Variants in RBFOX1 observed in about 807,000 individuals in gnomAD.
The protein encoded by RBFOX1 is RNA binding fox-1 homolog 1.
Under a neutral mutation model 57.7 loss-of-function variants are expected in RBFOX1, and 8 were observed. The observed-to-expected ratio is 0.14, with a 90% CI of 0.08 to 0.25. The LOEUF is 0.25. RBFOX1 is among the 10% of genes least tolerant of loss of function. RBFOX1 has a pLI of 1.00. For missense variants in RBFOX1, 611 were observed against 548.5 expected (o/e 1.11, Z -1.14); for synonymous variants, 326 against 222.4 (o/e 1.47, Z -4.15).
intron 4 of RBFOX1, among the ~76,000 whole-genome samples, chr16:5,928,930 A>T (rs1480046480): frequency 6.6e-6 from 1 of 151,792 alleles, no homozygotes; most frequent in African/African-American, 2.4e-5. Context: ...CAGAGCTCGC[A>T]ATGTGGCTGC....
intron 3 of RBFOX1, among the ~76,000 whole-genome samples, chr16:6,824,210 G>C (rs955816651): frequency 2.6e-5 from 4 of 152,212 alleles, no homozygotes; most frequent in East Asian, 1.9e-4. Context: ...TTCGAGACCA[G>C]TCTGGCCAAC....
chr16:5,387,156 G>C (rs2066280893), intron 1 of RBFOX1, among the ~76,000 whole-genome samples: 1 of 152,214 alleles, frequency 6.6e-6, no homozygotes, highest in Admixed American at 6.5e-5. Flanking sequence ...TGTAAGGACT[G>C]TGACAGGTTT....
At chr16:6,897,916 A>G (rs1175063381) in intron 3 of RBFOX1, among the ~76,000 whole-genome samples, 1 of 152,164 alleles carries the variant, frequency 6.6e-6, no homozygotes, top group Non-Finnish European at 1.5e-5. Flanking sequence ...TCTGTGTCTC[A>G]GACACGAGCT....
intron 3 of RBFOX1, among the ~76,000 whole-genome samples, chr16:7,044,207 G>T (rs933000594): frequency 1.3e-5 from 2 of 152,090 alleles, no homozygotes; most frequent in Non-Finnish European, 2.9e-5. Flanking sequence ...ATGTGTGTGA[G>T]TAAATATATA....
At chr16:6,719,894 A>G (rs2065624338) in intron 3 of RBFOX1, among the ~76,000 whole-genome samples, 1 of 151,740 alleles carries the variant, frequency 6.6e-6, no homozygotes, top group Admixed American at 6.6e-5. Context: ...GGAGTTCGAG[A>G]CCAGCCTGGC....
intron 4 of RBFOX1, among the ~76,000 whole-genome samples, chr16:5,906,541 C>A (rs1475342889): frequency 6.6e-6 from 1 of 152,044 alleles, no homozygotes; most frequent in Non-Finnish European, 1.5e-5. Flanking sequence ...GTTGTTTAAG[C>A]TCCCTGTCTG....
At chr16:5,336,303 T>C (rs1284495387) in intron 1 of RBFOX1, among the ~76,000 whole-genome samples, 1 of 152,146 alleles carries the variant, frequency 6.6e-6, no homozygotes, top group Non-Finnish European at 1.5e-5. Context: ...CTTGTAGTGG[T>C]CAAGGGCACA....
chr16:7,669,088 G>A (rs1239014376), intron 13 of RBFOX1, among the ~76,000 whole-genome samples: 1 of 152,162 alleles, frequency 6.6e-6, no homozygotes, highest in African/African-American at 2.4e-5. Flanking sequence ...TATTTTAGTA[G>A]AGATGGGGTT....
chr16:6,466,665 C>T (rs1567340676), intron 2 of RBFOX1, among the ~76,000 whole-genome samples: 2 of 152,130 alleles, frequency 1.3e-5, no homozygotes, highest in Admixed American at 6.5e-5. Context: ...TGACATGCAC[C>T]CAAAGAGTCT....
intron 4 of RBFOX1, among the ~76,000 whole-genome samples, chr16:7,162,451 T>A (rs965908349): frequency 6.6e-6 from 1 of 151,818 alleles, no homozygotes; most frequent in African/African-American, 2.4e-5. Context: ...TCTAGACTTC[T>A]GGGCGCAGTA....
At chr16:5,922,947 C>T (rs949360697) in intron 4 of RBFOX1, among the ~76,000 whole-genome samples, 1 of 152,188 alleles carries the variant, frequency 6.6e-6, no homozygotes, top group East Asian at 1.9e-4. Flanking sequence ...GTGATGGGCT[C>T]TTCCTTTCTT....
chr16:6,764,192 T>A (rs879859735), intron 3 of RBFOX1, among the ~76,000 whole-genome samples: 1 of 152,182 alleles, frequency 6.6e-6, no homozygotes, highest in African/African-American at 2.4e-5. Context: ...TATCTCCCAC[T>A]TGAGCATCTG....
chr16:5,669,433 T>TTA (rs1164892718), intron 3 of RBFOX1, among the ~76,000 whole-genome samples: 3 of 149,864 alleles, frequency 2.0e-5, no homozygotes, highest in Non-Finnish European at 4.5e-5. Context: ...TTTTTTTTTT[T>TTA]TTTTTTTGGA....
chr16:7,353,316 G>C (rs1026749728), intron 4 of RBFOX1, among the ~76,000 whole-genome samples: 1 of 152,180 alleles, frequency 6.6e-6, no homozygotes, highest in African/African-American at 2.4e-5. Flanking sequence ...ACAGCAAGAA[G>C]TGTCAGCAAA....
rs2097114947 is a variant in RBFOX1 at position 6,187,831 on chromosome 16, C to T, written c.-126-129164C>T. Among the ~76,000 whole-genome samples, 5 of 152,176 alleles carry T rather than the reference C, an allele frequency of 3.3e-5. No homozygotes were observed. The South Asian group carries it at 1.0e-3, about 32-fold the overall frequency. The stretch of plus-strand genomic sequence containing the variant: ...CCCAGAGCAAAGTCAGCTTTCCTCT[C>T]TGGCTCTGATACGAATGTGACCATT... On this transcript the variant is annotated intron_variant, in intron 1 of 15. Coordinates refer to ENST00000550418, the MANE Select transcript of RBFOX1 (RefSeq NM_018723.4).
chr16:6,527,212 C>G (rs1195644384), intron 2 of RBFOX1, among the ~76,000 whole-genome samples: 12 of 152,136 alleles, frequency 7.9e-5, no homozygotes, highest in Admixed American at 2.6e-4. Context: ...TGATCTCTGA[C>G]TCCACATTTC....
At chr16:7,257,084 G>T (rs902917019) in intron 4 of RBFOX1, among the ~76,000 whole-genome samples, 1 of 152,142 alleles carries the variant, frequency 6.6e-6, no homozygotes, top group Non-Finnish European at 1.5e-5. Flanking sequence ...CTAGAGCCGG[G>T]CTTTGCATGC....
chr16:6,857,594 C>G (rs1479672436), intron 3 of RBFOX1, among the ~76,000 whole-genome samples: 1 of 152,182 alleles, frequency 6.6e-6, no homozygotes, highest in East Asian at 1.9e-4. Flanking sequence ...CGCCGTAGCT[C>G]TTTGCCAAGA....
intron 1 of RBFOX1, among the ~76,000 whole-genome samples, chr16:6,179,159 G>A (rs964379833): frequency 1.3e-5 from 2 of 152,172 alleles, no homozygotes; most frequent in Admixed American, 1.3e-4. Context: ...TAAAGCAGTT[G>A]TGGGCAACTC....
Sources: allele counts gnomAD v4.1 joint callset (sites outside exome capture counted in the v4.1 genomes callset), GRCh38; gene constraint gnomAD v4.1.1; transcripts MANE v1.5; gene names NCBI Gene and HGNC (gene_info 2026-07-23, HGNC 2026-07-21).